The following RAB5B variants were observed in gnomAD, a reference collection of about 807,000 sequenced individuals.
The protein encoded by RAB5B is ras-related protein Rab-5B.
In RAB5B, 11 loss-of-function variants were observed where a neutral mutation model predicts 28.6. That is an observed-to-expected ratio of 0.38 (90% CI 0.24 to 0.64). RAB5B has a LOEUF of 0.64. Among genes scored for constraint, RAB5B ranks in the 30% least tolerant of loss-of-function variants. RAB5B has a pLI of 0.53. For synonymous variants in RAB5B, 93 were observed against 97.9 expected (o/e 0.95, Z 0.29); for missense variants, 169 against 265.6 (o/e 0.64, Z 2.53).
rs908191767 is a variant in RAB5B, at chr12:55,992,899, G to A, written c.*687G>A. 1.2e-5 allele frequency: 3 copies of A among 243,608 alleles called. No homozygotes were observed. Among genetic ancestry groups the A allele is most frequent in the Admixed American group, 1.2e-4 (2 of 16,054 alleles). The allele number at this position is 243,608 out of a possible 1,614,324, so 15.1% of individuals were successfully genotyped here. A position where few individuals can be genotyped will look rare whatever the true frequency, so the allele number is the denominator to read the frequency against. ...GAGGTGCCTTGTAAGCTAACTGGGC[G>A]GAGGTGGAGGTGCAGTGTCAACTGT... is the stretch of plus-strand genomic sequence containing the variant. On this transcript the variant is annotated 3_prime_UTR_variant, in exon 6 of 6. Coordinates refer to ENST00000360299, the MANE Select transcript of RAB5B (RefSeq NM_002868.4).
chr12:55,975,790 CTTTTTTTTTT>C (rs1163535431), intron 1 of RAB5B, among the ~76,000 whole-genome samples: 246 of 115,172 alleles, frequency 2.1e-3, no homozygotes, highest in African/African-American at 8.2e-3. Flanking sequence ...CACTACATTT[CTTTTTTTTTT>C]TTTTTTTTTT....
chr12:55,978,538 T>G (rs533759715), intron 1 of RAB5B, among the ~76,000 whole-genome samples: 2 of 149,762 alleles, frequency 1.3e-5, no homozygotes, highest in South Asian at 2.1e-4. Context: ...TGGAATTGAG[T>G]AAGATCTGTC....
In RAB5B at chr12:55,994,432, A is replaced by T. The variant is rs1236444917; in HGVS notation, c.*2220A>T. 1 of 121,328 alleles carries T rather than the reference A, an allele frequency of 8.2e-6. No homozygotes were observed. Among genetic ancestry groups the T allele is most frequent in the Non-Finnish European group, 1.6e-5 (1 of 62,432 alleles). The allele number at this position is 121,328 out of a possible 1,614,324, so 7.5% of individuals were successfully genotyped here. A position where few individuals can be genotyped will look rare whatever the true frequency, so the allele number is the denominator to read the frequency against. On this transcript the variant is annotated 3_prime_UTR_variant, in exon 6 of 6. Transcript: ENST00000360299. ...GGATTTGGCCTTAGCTTCTGGGCCT[A>T]TCGGCTGCCTTCCCTCTACTTCCTA...
At chr12:55,992,055 TAAA>T (rs1890143610) in intron 5 of RAB5B, 39 bp from the exon 6 acceptor site, 1 of 1,518,434 alleles carries the variant, frequency 6.6e-7, no homozygotes, top group Admixed American at 1.7e-5. Flanking sequence ...GGTAGGGAAG[TAAA>T]GTCTACCATA....
chr12:55,988,626 C>T (rs1890022010), intron 2 of RAB5B, among the ~76,000 whole-genome samples: 1 of 152,038 alleles, frequency 6.6e-6, no homozygotes, highest in Non-Finnish European at 1.5e-5. Context: ...GCCTCAGCCT[C>T]CTGAGCAGCG....
intron 1 of RAB5B, among the ~76,000 whole-genome samples, chr12:55,984,336 C>T (rs1026431599): frequency 6.6e-6 from 1 of 152,056 alleles, no homozygotes; most frequent in Admixed American, 6.6e-5. Context: ...ACTACAGGCA[C>T]GCGCCACCAC....
chr12:55,987,318 A>G (rs955440756), intron 2 of RAB5B, among the ~76,000 whole-genome samples, 195 bp downstream of exon 2: 3 of 151,618 alleles, frequency 2.0e-5, no homozygotes, highest in Non-Finnish European at 4.4e-5. Flanking sequence ...ACACCGTGGC[A>G]CCTGTCTAAT....
chr12:55,996,003 A>ATATATTTTTTTTTTTTTTTTTTTT lies in RAB5B; in HGVS notation c.*3792_*3793insATATTTTTTTTTTTTTTTTTTTTT. 6 of 97,398 alleles carry ATATATTTTTTTTTTTTTTTTTTTT rather than the reference A, an allele frequency of 6.2e-5. No homozygotes were observed. The highest frequency in any genetic ancestry group is 1.4e-4 in the African/African-American group (3 of 21,148). The allele number at this position is 97,398 out of a possible 1,614,324, so 6.0% of individuals were successfully genotyped here. ...TATATACATATATATATATATATAT[A>ATATATTTTTTTTTTTTTTTTTTTT]TTTTTTTTTTAACAACTGGTAGGAT... On this transcript the variant is annotated 3_prime_UTR_variant, in exon 6 of 6. Transcript: ENST00000360299.
chr12:55,992,214 G>C lies in RAB5B; in HGVS notation c.*2G>C, dbSNP rs776739155. 3 of 1,610,250 alleles carry C rather than the reference G, an allele frequency of 1.9e-6. No homozygotes were observed. Among genetic ancestry groups the C allele is most frequent in the South Asian group, 1.1e-5 (1 of 90,982 alleles). On this transcript the variant is annotated 3_prime_UTR_variant, in exon 6 of 6. Transcript: ENST00000360299. ...AAGAGCCAGTGTTGTAGCAACTGAGGGGGTGGCTAGCAGCAAACAAGTATG... is the reference window on the plus strand; with the variant it reads ...AAGAGCCAGTGTTGTAGCAACTGAGCGGGTGGCTAGCAGCAAACAAGTATG...
In RAB5B at chr12:55,983,041, C is replaced by CTT. The variant is rs568518153; in HGVS notation, c.-92-3819_-92-3818dup. Among the ~76,000 whole-genome samples, 1,101 of 148,448 alleles carry CTT rather than the reference C, an allele frequency of 7.4e-3. 5 individuals carry two copies. The highest frequency in any genetic ancestry group is 0.021 in the African/African-American group (860 of 40,544). ...AAACTTGATCAGCTTATCATCTGTC[C>CTT]TTTTTTTTTTATTATGGTGTCACCT... On this transcript the variant is annotated intron_variant, in intron 1 of 5. Coordinates refer to ENST00000360299, the MANE Select transcript of RAB5B (RefSeq NM_002868.4).
chr12:55,996,003 A>ATATATATTTTTTTTTTTTT lies in RAB5B; in HGVS notation c.*3792_*3793insATATATTTTTTTTTTTTTT. On this transcript the variant is annotated 3_prime_UTR_variant, in exon 6 of 6. Transcript: ENST00000360299. ...TATATACATATATATATATATATAT[A>ATATATATTTTTTTTTTTTT]TTTTTTTTTTAACAACTGGTAGGAT... The ATATATATTTTTTTTTTTTT allele has an allele frequency of 2.1e-5, 2 of 97,434 alleles. No individual in the cohort carries two copies. Among genetic ancestry groups the ATATATATTTTTTTTTTTTT allele is most frequent in the African/African-American group, 9.5e-5 (2 of 21,122 alleles). 6.0% of individuals were successfully genotyped at this position (97,434 alleles called of 1,614,324 possible).
chr12:55,982,341 G>T (rs1889832515), intron 1 of RAB5B, among the ~76,000 whole-genome samples: 1 of 151,656 alleles, frequency 6.6e-6, no homozygotes, highest in Non-Finnish European at 1.5e-5. Context: ...CTGTACCACA[G>T]AATTTTTGAG....
chr12:55,992,684 A>G lies in RAB5B; in HGVS notation c.*472A>G, dbSNP rs1890171485. On this transcript the variant is annotated 3_prime_UTR_variant, in exon 6 of 6. Coordinates refer to ENST00000360299, the MANE Select transcript of RAB5B (RefSeq NM_002868.4). ...AACTGAGGAAGGAGGTTTCCAGTTC[A>G]TTTACATTAAGGGCCCTGGGGGAGA... 1 of 387,450 alleles carries G rather than the reference A, an allele frequency of 2.6e-6. No individual in the cohort carries two copies. The highest frequency in any genetic ancestry group is 2.0e-5 in the South Asian group (1 of 49,988). 24.0% of individuals were successfully genotyped at this position (387,450 alleles called of 1,614,324 possible). A position where few individuals can be genotyped will look rare whatever the true frequency, so the allele number is the denominator to read the frequency against.
chr12:55,996,003 A>ATATATTTTTTTTTTTTTTTTTTTTT lies in RAB5B; in HGVS notation c.*3792_*3793insATATTTTTTTTTTTTTTTTTTTTTT. The ATATATTTTTTTTTTTTTTTTTTTTT allele has an allele frequency of 1.0e-5, 1 of 97,430 alleles. No individual in the cohort carries two copies. Among genetic ancestry groups the ATATATTTTTTTTTTTTTTTTTTTTT allele is most frequent in the African/African-American group, 4.7e-5 (1 of 21,118 alleles). 6.0% of individuals were successfully genotyped at this position (97,430 alleles called of 1,614,324 possible). A position where few individuals can be genotyped will look rare whatever the true frequency, so the allele number is the denominator to read the frequency against. ...TATATACATATATATATATATATAT[A>ATATATTTTTTTTTTTTTTTTTTTTT]TTTTTTTTTTAACAACTGGTAGGAT... On this transcript the variant is annotated 3_prime_UTR_variant, in exon 6 of 6. Coordinates refer to ENST00000360299, the MANE Select transcript of RAB5B (RefSeq NM_002868.4).
At chr12:55,979,224 C>T (rs1471734084) in intron 1 of RAB5B, 1 of 152,038 alleles carries the variant, frequency 6.6e-6, no homozygotes, top group East Asian at 1.9e-4. Context: ...CAAGTAGGGA[C>T]GGGCATTCCA....
In RAB5B at chr12:55,980,364, C is replaced by G. The variant is rs999004016; in HGVS notation, c.-93+6225C>G. The G allele has an allele frequency of 8.2e-6, 11 of 1,348,030 alleles. No homozygotes were observed. The Admixed American group carries it at 1.5e-4, about 19-fold the overall frequency. The allele number at this position is 1,348,030 out of a possible 1,614,324, so 83.5% of individuals were successfully genotyped here. ...TCTGCTATTTCTCCCCTGCTCACTCCCTCTGCTGTTGTCTCCCTCAGGTTC... is the reference window on the plus strand; with the variant it reads ...TCTGCTATTTCTCCCCTGCTCACTCGCTCTGCTGTTGTCTCCCTCAGGTTC... On this transcript the variant is annotated intron_variant, in intron 1 of 5. Transcript: ENST00000360299.
At position 55,992,443 on chromosome 12, in the gene RAB5B, C is replaced by T; in HGVS notation, c.*231C>T. ...TACTCTGGGGCTTGGGGGTCAACTC[C>T]CCCCAGGACTTACCTTCCAAAACAA... is the stretch of plus-strand genomic sequence containing the variant. On this transcript the variant is annotated 3_prime_UTR_variant, in exon 6 of 6. Coordinates refer to ENST00000360299, the MANE Select transcript of RAB5B (RefSeq NM_002868.4). 1 of 675,918 alleles carries T rather than the reference C, an allele frequency of 1.5e-6. No individual in the cohort carries two copies. The highest frequency in any genetic ancestry group is 2.8e-5 in the East Asian group (1 of 35,196). The allele number at this position is 675,918 out of a possible 1,614,324, so 41.9% of individuals were successfully genotyped here.
At chr12:55,980,830 C>G (rs556866454) in intron 1 of RAB5B, 1 of 1,597,550 alleles carries the variant, frequency 6.3e-7, no homozygotes, top group Non-Finnish European at 8.6e-7. Context: ...TCTTGAACCG[C>G]TCTTGGCCAG....
intron 2 of RAB5B, among the ~76,000 whole-genome samples, chr12:55,988,664 CGGCTAATTTTTGTATT>C (rs1890023032): frequency 6.6e-6 from 1 of 151,934 alleles, no homozygotes; most frequent in Non-Finnish European, 1.5e-5. Context: ...CCACCATGCC[CGGCTAATTTTTGTATT>C]TGTATAGAGA....
Sources: gnomAD v4.1 joint callset for allele counts (sites outside exome capture counted in the v4.1 genomes callset) on GRCh38, gnomAD v4.1.1 for gene constraint, MANE v1.5 for transcripts, NCBI Gene and HGNC (gene_info 2026-07-23, HGNC 2026-07-21) for gene names.